The following UGGT2 variants were observed in gnomAD, a reference collection of about 807,000 sequenced individuals.
UGGT2 encodes the protein UDP-glucose glycoprotein glucosyltransferase 2, also known as UDP-glucose:glycoprotein glucosyltransferase 2.
Under a neutral mutation model 192.1 loss-of-function variants are expected in UGGT2, and 180 were observed. The observed-to-expected ratio is 0.94, with a 90% CI of 0.83 to 1.06. The LOEUF (loss-of-function observed/expected upper bound fraction) is 1.06. Ranked by LOEUF, UGGT2 falls within the 50% of genes least tolerant of loss-of-function variation. UGGT2 has a pLI of 0.00. For synonymous variants in UGGT2, 580 were observed against 591.0 expected (o/e 0.98, Z 0.27); for missense variants, 1,849 against 1,795.7 (o/e 1.03, Z -0.54).
chr13:95,920,521 T>C (rs1388674424), intron 20 of UGGT2, among the ~76,000 whole-genome samples: 1 of 151,994 alleles, frequency 6.6e-6, no homozygotes, highest in East Asian at 1.9e-4. Flanking sequence ...AACGACAAAG[T>C]GGACAAAGTA....
At chr13:96,006,022 A>G (rs551509259) in intron 5 of UGGT2, among the ~76,000 whole-genome samples, 1 of 152,322 alleles carries the variant, frequency 6.6e-6, no homozygotes, top group African/African-American at 2.4e-5. Context: ...AGCTTTTAAT[A>G]ACAACGAAAA....
chr13:95,887,135 T>C (rs1160939963), intron 26 of UGGT2: 1 of 281,240 alleles, frequency 3.6e-6, no homozygotes, highest in Non-Finnish European at 7.3e-6. Context: ...ATTTGAAAAG[T>C]AAACAAGGAA....
At chr13:95,914,935 A>G (rs1038943697) in intron 20 of UGGT2, among the ~76,000 whole-genome samples, 1 of 150,812 alleles carries the variant, frequency 6.6e-6, no homozygotes, top group Non-Finnish European at 1.5e-5. Context: ...ACTAATTTAA[A>G]TGATGTCAAA....
rs547292991 is a variant in UGGT2, at chr13:95,888,633, C to T, written c.2959-662G>A. Among the ~76,000 whole-genome samples, 9 of 152,242 alleles carry T rather than the reference C, an allele frequency of 5.9e-5. No homozygotes were observed. In the South Asian group the frequency reaches 1.7e-3, roughly 28 times the overall value. On this transcript the variant is annotated intron_variant, in intron 25 of 38. Coordinates refer to ENST00000376747, the MANE Select transcript of UGGT2 (RefSeq NM_020121.4). ...AGAGATTTGACTTTCAATTCTTATTCTATCACTCATCATATCTGCTACTCT... is the reference window on the plus strand; with the variant it reads ...AGAGATTTGACTTTCAATTCTTATTTTATCACTCATCATATCTGCTACTCT...
chr13:95,827,792 T>C (rs930840024), intron 38 of UGGT2, among the ~76,000 whole-genome samples: 1 of 152,122 alleles, frequency 6.6e-6, no homozygotes, highest in African/African-American at 2.4e-5. Context: ...ATACTGACCA[T>C]TTGCATCCCC....
At chr13:96,048,590 G>A (rs185029897) in intron 1 of UGGT2, among the ~76,000 whole-genome samples, 1 of 152,162 alleles carries the variant, frequency 6.6e-6, no homozygotes, top group Admixed American at 6.5e-5. Context: ...TAGACCGCTA[G>A]CAAGACTAAT....
intron 2 of UGGT2, among the ~76,000 whole-genome samples, chr13:96,030,218 C>G (rs3825424): frequency 0.37 from 56,430 of 152,008 alleles, 10,943 homozygotes; most frequent in Middle Eastern, 0.44. Context: ...CTGTCTTGCT[C>G]TCTCTGGAAC....
rs142239816 is a variant in UGGT2 at position 95,901,784 on chromosome 13, T to C, written c.2503-846A>G. 1.9e-3 allele frequency among the ~76,000 whole-genome samples: 294 copies of C among 152,234 alleles called. 3 individuals carry two copies. The highest frequency in any genetic ancestry group is 1.4e-3 in the Non-Finnish European group (97 of 68,004). On this transcript the variant is annotated intron_variant, in intron 21 of 38. Transcript: ENST00000376747. ...AGCCAGTGGCTGTGGTGTTGGACCA[T>C]GTAGGCCCTGATCTTTACCTCCAAA...
At chr13:95,999,129 A>T in intron 6 of UGGT2, 82 bp downstream of exon 6, 1 of 995,412 alleles carries the variant, frequency 1.0e-6, no homozygotes, top group Non-Finnish European at 1.6e-6. Flanking sequence ...GTAGGATTAT[A>T]CTCATTAAAT....
intron 37 of UGGT2, among the ~76,000 whole-genome samples, chr13:95,833,947 T>C (rs185143165): frequency 2.8e-4 from 42 of 152,290 alleles, no homozygotes; most frequent in Admixed American, 2.4e-3. Context: ...TCTTATTTCT[T>C]AGGGGAAAGC....
intron 20 of UGGT2, among the ~76,000 whole-genome samples, chr13:95,905,412 G>C (rs1319253009): frequency 6.6e-6 from 1 of 151,984 alleles, no homozygotes; most frequent in Non-Finnish European, 1.5e-5. Flanking sequence ...TTTTCTTGTA[G>C]GGTTTTTATG....
In UGGT2 at chr13:95,904,527, T is replaced by C. The variant is rs866166831; in HGVS notation, c.2296-1467A>G. 1.7e-3 allele frequency among the ~76,000 whole-genome samples: 241 copies of C among 145,010 alleles called. 1 individual carries two copies. The highest frequency in any genetic ancestry group is 5.9e-3 in the African/African-American group (232 of 39,150). On this transcript the variant is annotated intron_variant, in intron 20 of 38. Coordinates refer to ENST00000376747, the MANE Select transcript of UGGT2 (RefSeq NM_020121.4). ...GATCTCATTGTTCAATTCCCACCTA[T>C]GAGTGAGAATATGCGGTGTTTGGTT... is the stretch of plus-strand genomic sequence containing the variant.
chr13:95,986,307 A>C (rs2051287538), intron 9 of UGGT2, 26 bp downstream of exon 9: 1 of 1,439,444 alleles, frequency 6.9e-7, no homozygotes, highest in Non-Finnish European at 9.7e-7. Flanking sequence ...TTATAGCTGC[A>C]ATGAAACCTA....
intron 22 of UGGT2, among the ~76,000 whole-genome samples, chr13:95,897,682 G>A (rs1354912524): frequency 6.6e-6 from 1 of 152,120 alleles, no homozygotes; most frequent in Non-Finnish European, 1.5e-5. Context: ...ATTACTTTCA[G>A]AGTGATAAGC....
intron 5 of UGGT2, among the ~76,000 whole-genome samples, chr13:96,010,086 CAAA>C (rs998029818): frequency 3.3e-5 from 5 of 152,076 alleles, no homozygotes; most frequent in Non-Finnish European, 5.9e-5. Context: ...TGGCAATCCT[CAAA>C]GAACCTGAAA....
chr13:95,955,527 GA>G (rs1265376444), intron 12 of UGGT2, among the ~76,000 whole-genome samples: 1 of 152,144 alleles, frequency 6.6e-6, no homozygotes, highest in Non-Finnish European at 1.5e-5. Flanking sequence ...CTGAGTATAC[GA>G]AATGAATAAA....
At chr13:95,980,138 A>G (rs2051070848) in intron 10 of UGGT2, among the ~76,000 whole-genome samples, 1 of 152,168 alleles carries the variant, frequency 6.6e-6, no homozygotes, top group African/African-American at 2.4e-5. Context: ...CTACTAGGTA[A>G]CTGCCCAGAG....
At chr13:95,928,753 T>G (rs2049134743) in intron 17 of UGGT2, among the ~76,000 whole-genome samples, 1 of 149,632 alleles carries the variant, frequency 6.7e-6, no homozygotes, top group Non-Finnish European at 1.5e-5. Flanking sequence ...CCAGATGATG[T>G]GCGGCCAGGC....
At position 95,970,104 on chromosome 13, in the gene UGGT2, G is replaced by A; in HGVS notation, c.1335+8C>T. On this transcript the variant is annotated splice_region_variant and intron_variant, in intron 12 of 38. Coordinates refer to ENST00000376747, the MANE Select transcript of UGGT2 (RefSeq NM_020121.4). ...GGTTTTAGAACAAGGAATAGCATAA[G>A]CACTTACCATTATAGAAGAATGTCG... 6.3e-7 allele frequency: 1 copy of A among 1,599,350 alleles called. No individual in the cohort carries two copies. The highest frequency in any genetic ancestry group is 8.6e-7 in the Non-Finnish European group (1 of 1,167,704).
Sources: allele counts gnomAD v4.1 joint callset (sites outside exome capture counted in the v4.1 genomes callset), GRCh38; gene constraint gnomAD v4.1.1; transcripts MANE v1.5; gene names NCBI Gene and HGNC (gene_info 2026-07-23, HGNC 2026-07-21).